The following CMTM8 variants were observed in gnomAD, a reference collection of about 807,000 sequenced individuals.
CMTM8 encodes CKLF-like MARVEL transmembrane domain-containing protein 8.
Under a neutral mutation model 18.6 loss-of-function variants are expected in CMTM8, and 12 were observed. The observed-to-expected ratio is 0.65, with a 90% confidence interval of 0.41 to 1.05. The LOEUF (loss-of-function observed/expected upper bound fraction) is 1.05, where lower values mean the gene tolerates loss of function less well. CMTM8 is among the 50% of genes least tolerant of loss of function. The pLI is 0.00. For missense variants in CMTM8, 217 were observed against 227.2 expected, an observed-to-expected ratio of 0.95 and a Z score of 0.29; for synonymous variants, 87 against 90.6, an observed-to-expected ratio of 0.96 and a Z score of 0.23.
At chr3:32,349,274 A>G (rs759971567) in intron 1 of CMTM8, among the ~76,000 whole-genome samples, 1 of 152,070 alleles carries the variant, frequency 6.6e-6, no homozygotes, top group Non-Finnish European at 1.5e-5. Context: ...CTTGAACTTC[A>G]TTGAAGATTG....
chr3:32,274,315 T>A (rs939812865), intron 1 of CMTM8, among the ~76,000 whole-genome samples: 83 of 148,792 alleles, frequency 5.6e-4, no homozygotes, highest in Non-Finnish European at 9.1e-4. Context: ...AAAAAAAAAA[T>A]TTCATGTTTT....
rs550757530 is a variant in CMTM8, at chr3:32,272,228, AC to A, written c.147+33110del. Among the ~76,000 whole-genome samples the A allele has an allele frequency of 7.7e-3, 1,179 of 152,196 alleles. 9 individuals are homozygous for A. The highest frequency in any genetic ancestry group is 0.026 in the African/African-American group (1,068 of 41,550). On this transcript the variant is annotated intron_variant, in intron 1 of 3. Transcript: ENST00000307526. ...TGCCATTCTTTTTTTAAATTTAGCT[AC>A]TTTAGCTTTAAAAATTTTTTGTCTT...
At chr3:32,273,418 G>A (rs12330263) in intron 1 of CMTM8, among the ~76,000 whole-genome samples, 1 of 151,898 alleles carries the variant, frequency 6.6e-6, no homozygotes, top group East Asian at 1.9e-4. Context: ...TTCATAATAG[G>A]CAAAAGGTAG....
intron 1 of CMTM8, among the ~76,000 whole-genome samples, chr3:32,326,957 G>A (rs1395595485): frequency 3.3e-5 from 5 of 152,142 alleles, no homozygotes; most frequent in Non-Finnish European, 5.9e-5. Flanking sequence ...TGCATTTGCA[G>A]TGCTAGTTTT....
At chr3:32,304,422 A>G (rs1479538272) in intron 1 of CMTM8, among the ~76,000 whole-genome samples, 1 of 152,206 alleles carries the variant, frequency 6.6e-6, no homozygotes, top group Non-Finnish European at 1.5e-5. Context: ...GGAAAGGAAA[A>G]GTATAAAGGA....
chr3:32,350,145 A>G (rs561784952), intron 1 of CMTM8, among the ~76,000 whole-genome samples: 31 of 152,258 alleles, frequency 2.0e-4, no homozygotes, highest in Middle Eastern at 6.8e-3. Flanking sequence ...AAGGGTAAGG[A>G]CTTAGCGACT....
intron 2 of CMTM8, among the ~76,000 whole-genome samples, chr3:32,360,561 T>C (rs9827231): frequency 0.22 from 34,061 of 152,244 alleles, 4,012 homozygotes; most frequent in South Asian, 0.37. Flanking sequence ...ACTTCCATAT[T>C]TTCCACTGCC....
In CMTM8 at chr3:32,319,057, C is replaced by CATATATAT. The variant is rs1553605520; in HGVS notation, c.148-38305_148-38298dup. Among the ~76,000 whole-genome samples, 265 of 45,794 alleles carry CATATATAT rather than the reference C, an allele frequency of 5.8e-3. 21 individuals are homozygous for CATATATAT. The highest frequency in any genetic ancestry group is 0.045 in the Middle Eastern group (3 of 66). 30.0% of individuals were successfully genotyped at this position (45,794 alleles called of 152,430 possible). A position where few individuals can be genotyped will look rare whatever the true frequency, so the allele number is the denominator to read the frequency against. On this transcript the variant is annotated intron_variant, in intron 1 of 3. Coordinates refer to ENST00000307526, the MANE Select transcript of CMTM8 (RefSeq NM_178868.5). ...AAATTTATATATATGTGTGTATATA[C>CATATATAT]ATATATATATATATATATTTTTTTT...
intron 1 of CMTM8, among the ~76,000 whole-genome samples, chr3:32,262,383 C>CTG (rs1702270802): frequency 1.3e-5 from 2 of 152,296 alleles, no homozygotes; most frequent in Non-Finnish European, 1.5e-5. Flanking sequence ...GGAACCTGAG[C>CTG]TGTGGTCCAG....
At chr3:32,331,535 G>A (rs1351064102) in intron 1 of CMTM8, among the ~76,000 whole-genome samples, 2 of 139,476 alleles carry the variant, frequency 1.4e-5, no homozygotes, top group African/African-American at 2.7e-5. Flanking sequence ...AAAAAACAAT[G>A]AACAAATAAA....
intron 1 of CMTM8, among the ~76,000 whole-genome samples, chr3:32,314,448 G>A (rs1695881597): frequency 6.6e-6 from 1 of 151,504 alleles, no homozygotes; most frequent in South Asian, 2.1e-4. Context: ...GTCCTACTGG[G>A]GAGAGGGTGG....
intron 1 of CMTM8, among the ~76,000 whole-genome samples, chr3:32,321,617 GAC>G (rs1380160711): frequency 6.6e-6 from 1 of 152,124 alleles, no homozygotes; most frequent in Non-Finnish European, 1.5e-5. Context: ...TTTTTTTAAA[GAC>G]AGAGTCTTAC....
intron 1 of CMTM8, among the ~76,000 whole-genome samples, chr3:32,288,347 G>T (rs1056404751): frequency 6.6e-6 from 1 of 152,020 alleles, no homozygotes; most frequent in African/African-American, 2.4e-5. Context: ...TCAGTGACAT[G>T]ATCGCCCACC....
At chr3:32,244,253 A>G (rs1195119198) in intron 1 of CMTM8, among the ~76,000 whole-genome samples, 2 of 152,178 alleles carry the variant, frequency 1.3e-5, no homozygotes, top group East Asian at 3.9e-4. Flanking sequence ...GCAGTGGCAC[A>G]ATCATAGCTC....
intron 1 of CMTM8, among the ~76,000 whole-genome samples, chr3:32,314,731 C>T (rs1695885407): frequency 6.6e-6 from 1 of 152,084 alleles, no homozygotes; most frequent in Non-Finnish European, 1.5e-5. Flanking sequence ...CTTGTCTTGG[C>T]CTCCCAAAGT....
At chr3:32,353,744 A>G (rs1480809463) in intron 1 of CMTM8, among the ~76,000 whole-genome samples, 1 of 151,568 alleles carries the variant, frequency 6.6e-6, no homozygotes, top group Non-Finnish European at 1.5e-5. Context: ...ACTGGCGGAT[A>G]GGGAAGGGCG....
At chr3:32,338,543 A>G (rs1399857614) in intron 1 of CMTM8, among the ~76,000 whole-genome samples, 3 of 152,182 alleles carry the variant, frequency 2.0e-5, no homozygotes, top group Admixed American at 6.5e-5. Context: ...GCAGCAACCT[A>G]GGTGGTGCTG....
intron 1 of CMTM8, among the ~76,000 whole-genome samples, chr3:32,315,814 A>G (rs1695917071): frequency 6.6e-6 from 1 of 152,116 alleles, no homozygotes; most frequent in South Asian, 2.1e-4. Flanking sequence ...TTAAATACTA[A>G]TTCCTAAACT....
intron 1 of CMTM8, among the ~76,000 whole-genome samples, chr3:32,322,994 C>G (rs1443268621): frequency 6.6e-6 from 1 of 152,192 alleles, no homozygotes; most frequent in East Asian, 1.9e-4. Flanking sequence ...TCCATAGACC[C>G]TGGCCCAGGT....
Sources: allele counts gnomAD v4.1 joint callset (sites outside exome capture counted in the v4.1 genomes callset), GRCh38; gene constraint gnomAD v4.1.1; transcripts MANE v1.5; gene names NCBI Gene and HGNC (gene_info 2026-07-23, HGNC 2026-07-21).